Variants in HLA-DPA1 observed in about 807,000 individuals in gnomAD.
HLA-DPA1 encodes HLA class II histocompatibility antigen, DP alpha 1 chain.
HLA-DPA1 carries 20 observed loss-of-function variants against 21.5 expected under a neutral mutation model. The observed-to-expected ratio is 0.93, with a 90% CI of 0.66 to 1.35. HLA-DPA1 has a LOEUF of 1.35. Among genes scored for constraint, HLA-DPA1 ranks in the 40% most tolerant of loss-of-function variants. The probability of loss-of-function intolerance (pLI) is 0.00; values close to 1 mark genes in which losing one functional copy is unlikely to be tolerated. For synonymous variants in HLA-DPA1, 123 were observed against 129.6 expected, an observed-to-expected ratio of 0.95 and a Z score of 0.35; for missense variants, 279 against 323.0, an observed-to-expected ratio of 0.86 and a Z score of 1.05.
chr6:33,073,713 A>G, intron 1 of HLA-DPA1, 64 bp from the exon 1 acceptor site: 1 of 616,502 alleles, frequency 1.6e-6, no homozygotes, highest in Non-Finnish European at 2.9e-6. Flanking sequence ...GGATTCACCT[A>G]TCAGAGAAAT....
At chr6:33,070,288 T>C (rs1196849493) in intron 2 of HLA-DPA1, among the ~76,000 whole-genome samples, 2 of 152,204 alleles carry the variant, frequency 1.3e-5, no homozygotes, top group African/African-American at 4.8e-5. Context: ...ATGAAGCAAA[T>C]ACATATCATA....
At chr6:33,068,657 G>T in exon 5 of HLA-DPA1, 1 of 1,611,890 alleles carries the variant, frequency 6.2e-7, no homozygotes, top group East Asian at 2.2e-5. Context: ...ATTTCACAGG[G>T]TCCCCTGGGC....
At chr6:33,068,459 T>A (rs1329353071) in intron 5 of HLA-DPA1, 179 bp downstream of exon 4, 2 of 537,700 alleles carry the variant, frequency 3.7e-6, no homozygotes, top group East Asian at 6.2e-5. Context: ...AGTTAATAAA[T>A]GTAAATCCTC....
At chr6:33,067,052 C>A (rs1761992253) in intron 5 of HLA-DPA1, 1 of 152,140 alleles carries the variant, frequency 6.6e-6, no homozygotes, top group African/African-American at 2.4e-5. Context: ...CCCTGCAACC[C>A]CTTTCTAGGA....
At chr6:33,072,078 A>G (rs72879690) in intron 2 of HLA-DPA1, among the ~76,000 whole-genome samples, 43,743 of 151,788 alleles carry the variant, frequency 0.29, 8,336 homozygotes, top group East Asian at 0.69. Context: ...GTGGTTTAAA[A>G]GATGATAAGG....
rs943810040 is a variant in HLA-DPA1 at position 33,075,652 on chromosome 6, G to T, written c.-99-1983C>A. On this transcript the variant is annotated intron_variant, in intron 1 of 5. Coordinates refer to ENST00000419277, the Ensembl canonical transcript of HLA-DPA1. ...CAGACCATGTCCTGTGGGTGTGTGA[G>T]GTGTGGCAGAATTGGGGAAATGATA... is the stretch of plus-strand genomic sequence containing the variant. Among the ~76,000 whole-genome samples the T allele has an allele frequency of 3.6e-3, 543 of 152,266 alleles. 3 individuals carry two copies. Among genetic ancestry groups the T allele is most frequent in the East Asian group, 0.026 (133 of 5,176 alleles).
At chr6:33,072,237 G>A (rs942541740) in intron 2 of HLA-DPA1, among the ~76,000 whole-genome samples, 1 of 152,218 alleles carries the variant, frequency 6.6e-6, no homozygotes, top group African/African-American at 2.4e-5. Flanking sequence ...TGATGGCCAA[G>A]ATGAGAGGAT....
intron 2 of HLA-DPA1, among the ~76,000 whole-genome samples, chr6:33,071,202 C>T (rs59977910): frequency 0.29 from 43,379 of 151,872 alleles, 8,128 homozygotes; most frequent in East Asian, 0.66. Context: ...GAGGGTATGA[C>T]CTGTGTCTTA....
intron 1 of HLA-DPA1, chr6:33,075,936 A>AC (rs1244803525): frequency 2.6e-6 from 2 of 771,880 alleles, no homozygotes; most frequent in Non-Finnish European, 4.3e-6. Flanking sequence ...GTCACAGAAG[A>AC]CTACTTGGGT....
chr6:33,068,963 C>T (rs1762107981), intron 4 of HLA-DPA1, 56 bp downstream of exon 3: 6 of 1,587,168 alleles, frequency 3.8e-6, no homozygotes, highest in Non-Finnish European at 5.2e-6. Flanking sequence ...CAGAGGACAC[C>T]AGGTCTTTGG....
In HLA-DPA1 at chr6:33,080,462, TA is replaced by T; in HGVS notation, c.-100+217del. The stretch of plus-strand genomic sequence containing the variant: ...GTGCCCCTGAGCTCATTCTTTTCAG[TA>T]AATTCTCTCTCTGCGTGGTGAGAAA... On this transcript the variant is annotated intron_variant, in intron 1 of 5. Coordinates refer to ENST00000419277, the Ensembl canonical transcript of HLA-DPA1. This position sits in a 1 kb window ranked among gnomAD's most constrained non-coding sequence, Gnocchi z 4.3. The T allele has an allele frequency of 2.7e-6, 2 of 749,682 alleles. No individual in the cohort carries two copies. Among genetic ancestry groups the T allele is most frequent in the Non-Finnish European group, 4.8e-6 (2 of 419,236 alleles). The allele number at this position is 749,682 out of a possible 1,614,324, so 46.4% of individuals were successfully genotyped here. A position where few individuals can be genotyped will look rare whatever the true frequency, so the allele number is the denominator to read the frequency against.
intron 1 of HLA-DPA1, chr6:33,079,823 A>T (rs1762740784): frequency 2.3e-6 from 1 of 444,376 alleles, no homozygotes; most frequent in East Asian, 6.2e-5. Context: ...AGAGTCACCA[A>T]CCCCAGTACC....
exon 4 of HLA-DPA1, chr6:33,069,178 C>G: frequency 6.2e-7 from 1 of 1,612,916 alleles, no homozygotes; most frequent in Non-Finnish European, 8.5e-7. Context: ...GTGACCAGCT[C>G]CCCGTTGCAC....
At chr6:33,065,510 G>C (rs67597807) in intron 5 of HLA-DPA1, 163 bp from the exon 5 acceptor site, 43,947 of 152,068 alleles carry the variant, frequency 0.29, 8,394 homozygotes, top group East Asian at 0.69. Flanking sequence ...TCCAGGTGAA[G>C]AGCACATAGG....
intron 1 of HLA-DPA1, chr6:33,079,752 C>T (rs1762737488): frequency 2.0e-6 from 1 of 499,510 alleles, no homozygotes; most frequent in African/African-American, 2.0e-5. Flanking sequence ...GCTGAGATCG[C>T]TCACAAAATT....
chr6:33,078,117 C>T (rs1026777412), intron 1 of HLA-DPA1, among the ~76,000 whole-genome samples: 6 of 151,818 alleles, frequency 4.0e-5, no homozygotes, highest in Non-Finnish European at 2.9e-5. Context: ...TTGGGAGCCA[C>T]CAAGGAAACC....
exon 5 of HLA-DPA1, chr6:33,068,653 C>G (rs200236128): frequency 3.7e-6 from 6 of 1,611,518 alleles, no homozygotes; most frequent in African/African-American, 2.7e-5. Context: ...CAGTATTTCA[C>G]AGGGTCCCCT....
At chr6:33,079,652 A>G (rs1762732285) in intron 1 of HLA-DPA1, 1 of 473,532 alleles carries the variant, frequency 2.1e-6, no homozygotes, top group Non-Finnish European at 4.1e-6. Context: ...CAACAACAAA[A>G]AAAACATGCT....
chr6:33,068,538 C>CT, intron 5 of HLA-DPA1, 100 bp downstream of exon 4: 1 of 950,316 alleles, frequency 1.1e-6, no homozygotes, highest in Non-Finnish European at 1.6e-6. Flanking sequence ...TGGCTGAATG[C>CT]TTTTAACCCA....
Sources: allele counts gnomAD v4.1 joint callset (sites outside exome capture counted in the v4.1 genomes callset), GRCh38; gene constraint gnomAD v4.1.1; non-coding constraint Gnocchi (gnomAD v3.1); transcripts MANE v1.5; gene names NCBI Gene and HGNC (gene_info 2026-07-23, HGNC 2026-07-21).